The following SLC10A7 variants were observed in gnomAD, a reference collection of about 807,000 sequenced individuals.
SLC10A7 encodes sodium/bile acid cotransporter 7.
SLC10A7 carries 29 observed loss-of-function variants against 43.2 expected under a neutral mutation model. The observed-to-expected ratio is 0.67, with a 90% CI of 0.50 to 0.92. The LOEUF (loss-of-function observed/expected upper bound fraction) is 0.92. Ranked by LOEUF, SLC10A7 falls within the 40% of genes least tolerant of loss-of-function variation. SLC10A7 has a pLI of 0.00. For missense variants in SLC10A7, 295 were observed against 403.2 expected (o/e 0.73, Z 2.30); for synonymous variants, 152 against 144.8 (o/e 1.05, Z -0.35).
At chr4:146,324,406 A>G (rs924166135) in intron 6 of SLC10A7, among the ~76,000 whole-genome samples, 23 of 152,210 alleles carry the variant, frequency 1.5e-4, no homozygotes, top group African/African-American at 5.5e-4. Context: ...AGGGTCTCAG[A>G]GATTCCAGCC....
intron 10 of SLC10A7, among the ~76,000 whole-genome samples, chr4:146,262,714 A>T (rs1329424507): frequency 6.6e-6 from 1 of 152,202 alleles, no homozygotes; most frequent in East Asian, 1.9e-4. Context: ...TACTGGGCAC[A>T]TGGGTGACCA....
At chr4:146,466,986 A>G (rs1733089192) in intron 4 of SLC10A7, among the ~76,000 whole-genome samples, 1 of 152,146 alleles carries the variant, frequency 6.6e-6, no homozygotes, top group African/African-American at 2.4e-5. Context: ...CCAAAAAACA[A>G]CTTCATCTCT....
At chr4:146,380,079 G>A (rs578027092) in intron 5 of SLC10A7, among the ~76,000 whole-genome samples, 1 of 152,156 alleles carries the variant, frequency 6.6e-6, no homozygotes, top group African/African-American at 2.4e-5. Flanking sequence ...CCATTGGGAA[G>A]AAAACTATCC....
chr4:146,344,751 T>C (rs897433045), intron 5 of SLC10A7, among the ~76,000 whole-genome samples: 18 of 152,074 alleles, frequency 1.2e-4, no homozygotes, highest in African/African-American at 3.6e-4. Flanking sequence ...ATTAAAGAGA[T>C]TTGCAAAATG....
At chr4:146,470,364 A>C (rs1418213478) in intron 4 of SLC10A7, among the ~76,000 whole-genome samples, 1 of 151,458 alleles carries the variant, frequency 6.6e-6, no homozygotes, top group Non-Finnish European at 1.5e-5. Flanking sequence ...ATATACATAT[A>C]AATGTACATA....
At chr4:146,516,530 ACAT>A (rs1738014708) in intron 2 of SLC10A7, among the ~76,000 whole-genome samples, 1 of 150,762 alleles carries the variant, frequency 6.6e-6, no homozygotes, top group Non-Finnish European at 1.5e-5. Context: ...CAAATGAAAA[ACAT>A]CAATATTTCT....
chr4:146,388,505 T>A (rs1738168932), intron 5 of SLC10A7, among the ~76,000 whole-genome samples: 1 of 152,142 alleles, frequency 6.6e-6, no homozygotes, highest in Non-Finnish European at 1.5e-5. Flanking sequence ...ACGCCTGTAA[T>A]CCCAGGACTT....
rs766835002 is a variant in SLC10A7 at position 146,256,539 on chromosome 4, T to C, written c.994-19A>G. On this transcript the variant is annotated intron_variant, in intron 11 of 11. Coordinates refer to ENST00000335472, the MANE Select transcript of SLC10A7 (RefSeq NM_001029998.6). ...TCACTCCCTACAAGGAAGGAAAACATGTTCAGAGTTGGACAGTATCCATGA... is the reference window on the plus strand; with the variant it reads ...TCACTCCCTACAAGGAAGGAAAACACGTTCAGAGTTGGACAGTATCCATGA... The C allele has an allele frequency of 3.1e-6, 5 of 1,613,730 alleles. No homozygotes were observed. The Admixed American group carries it at 8.3e-5, about 27-fold the overall frequency.
At chr4:146,385,411 C>G (rs1440625853) in intron 5 of SLC10A7, among the ~76,000 whole-genome samples, 1 of 152,094 alleles carries the variant, frequency 6.6e-6, no homozygotes, top group Non-Finnish European at 1.5e-5. Flanking sequence ...ATTGCTTTAA[C>G]TTAAATTTCT....
At chr4:146,475,209 AT>A (rs566179336) in intron 4 of SLC10A7, among the ~76,000 whole-genome samples, 108 of 152,164 alleles carry the variant, frequency 7.1e-4, no homozygotes, top group African/African-American at 2.4e-3. Context: ...CCCAGGCAAA[AT>A]CCCCAGGCTA....
intron 9 of SLC10A7, among the ~76,000 whole-genome samples, chr4:146,287,196 G>A (rs1016643129): frequency 4.6e-5 from 7 of 152,072 alleles, no homozygotes; most frequent in Non-Finnish European, 7.4e-5. Flanking sequence ...TGGTGAGAAC[G>A]ACTGAGTTTG....
intron 4 of SLC10A7, among the ~76,000 whole-genome samples, chr4:146,484,389 G>A (rs1029036646): frequency 1.3e-5 from 2 of 152,132 alleles, no homozygotes; most frequent in Non-Finnish European, 2.9e-5. Context: ...CAACCAGACA[G>A]AAAATGAATG....
At chr4:146,448,263 A>C (rs1731283921) in intron 4 of SLC10A7, among the ~76,000 whole-genome samples, 1 of 152,064 alleles carries the variant, frequency 6.6e-6, no homozygotes, top group Admixed American at 6.5e-5. Flanking sequence ...AAAACTTAAA[A>C]AAATGGGGAA....
At chr4:146,459,743 G>A (rs1163740278) in intron 4 of SLC10A7, among the ~76,000 whole-genome samples, 1 of 151,734 alleles carries the variant, frequency 6.6e-6, no homozygotes, top group Admixed American at 6.6e-5. Context: ...GAACATCTTT[G>A]TGACTCTGGA....
chr4:146,509,764 CTAT>C (rs1448334146), intron 3 of SLC10A7, 146 bp downstream of exon 3: 1 of 602,140 alleles, frequency 1.7e-6, no homozygotes, highest in East Asian at 3.1e-5. Flanking sequence ...TGATGAAATA[CTAT>C]TGTTTTAAAG....
At position 146,368,949 on chromosome 4, in the gene SLC10A7, C is replaced by G. The variant is rs191925030; in HGVS notation, c.436-42953G>C. On this transcript the variant is annotated intron_variant, in intron 5 of 11. Coordinates refer to ENST00000335472, the MANE Select transcript of SLC10A7 (RefSeq NM_001029998.6). ...CATCTCAGTTTTAAGTAAATAATGA[C>G]AAATTATTTTGAGAGCTACCCAGCC... is the stretch of plus-strand genomic sequence containing the variant. Among the ~76,000 whole-genome samples the G allele has an allele frequency of 1.1e-4, 16 of 152,218 alleles. No homozygotes were observed. In the East Asian group the frequency reaches 2.7e-3, roughly 26 times the overall value.
At chr4:146,515,326 G>C (rs561465243) in intron 2 of SLC10A7, among the ~76,000 whole-genome samples, 3 of 152,186 alleles carry the variant, frequency 2.0e-5, no homozygotes. Context: ...CTCCAAGCAA[G>C]ATCAGTCCAA....
At chr4:146,279,645 C>CCT (rs1729421220) in intron 10 of SLC10A7, among the ~76,000 whole-genome samples, 1 of 152,110 alleles carries the variant, frequency 6.6e-6, no homozygotes. Flanking sequence ...GAGCAGCAAA[C>CCT]AAGCCCTGTA....
intron 6 of SLC10A7, among the ~76,000 whole-genome samples, chr4:146,306,337 T>C (rs1176630948): frequency 6.6e-6 from 1 of 152,190 alleles, no homozygotes; most frequent in Non-Finnish European, 1.5e-5. Context: ...TTACAGGTTA[T>C]GTGATTTTTA....
Sources: gnomAD v4.1 joint callset for allele counts (sites outside exome capture counted in the v4.1 genomes callset) on GRCh38, gnomAD v4.1.1 for gene constraint, MANE v1.5 for transcripts, NCBI Gene and HGNC (gene_info 2026-07-23, HGNC 2026-07-21) for gene names.